DIAPH2: variants seen among roughly 807,000 people sequenced by gnomAD.
DIAPH2 encodes diaphanous related formin 2.
DIAPH2 carries 35 observed loss-of-function variants against 92.7 expected under a neutral mutation model. The ratio of observed to expected loss-of-function variants is 0.38; its 90% CI spans 0.29 to 0.50. DIAPH2 has a LOEUF of 0.50. Among genes scored for constraint, DIAPH2 ranks in the 20% least tolerant of loss-of-function variants. DIAPH2 has a pLI of 0.94. For missense variants in DIAPH2, 701 were observed against 819.5 expected, an observed-to-expected ratio of 0.86 and a Z score of 1.77; for synonymous variants, 301 against 280.4, an observed-to-expected ratio of 1.07 and a Z score of -0.73.
chrX:97,591,176 T>G (rs1011844299), intron 26 of DIAPH2, among the ~76,000 whole-genome samples: 2 of 112,031 alleles, frequency 1.8e-5, no homozygotes, highest in African/African-American at 6.5e-5. Context: ...CTGTTTCTTC[T>G]TGTTGAAATC....
chrX:97,301,734 A>G (rs2068707393), intron 23 of DIAPH2, among the ~76,000 whole-genome samples: 2 of 111,568 alleles, frequency 1.8e-5, no homozygotes, highest in Non-Finnish European at 3.8e-5. Flanking sequence ...GCCATGAATT[A>G]CCTAGTCCCC....
At chrX:97,006,172 GT>G (rs1002994510) in intron 17 of DIAPH2, among the ~76,000 whole-genome samples, 6 of 111,318 alleles carry the variant, frequency 5.4e-5, no homozygotes, top group Non-Finnish European at 1.1e-4. Context: ...AAACATTCAA[GT>G]TTTTTTAACG....
At chrX:96,861,964 G>A (rs1436626480) in intron 4 of DIAPH2, among the ~76,000 whole-genome samples, 1 of 111,999 alleles carries the variant, frequency 8.9e-6, no homozygotes, top group Admixed American at 9.5e-5. Context: ...CCTCGCCTGA[G>A]CTTTCTCTTA....
At chrX:96,893,797 C>G (rs571268848) in intron 5 of DIAPH2, among the ~76,000 whole-genome samples, 10 of 111,832 alleles carry the variant, frequency 8.9e-5, no homozygotes, top group South Asian at 7.4e-4. Context: ...AATTAAGATG[C>G]CAGCTGGCAC....
rs761866436 is a variant in DIAPH2 at position 97,122,609 on chromosome X, A to T, written c.2589+7644A>T. ...TCACTGAAATATACTTTTTCCTATC[A>T]GACAATATTTAGCATTAATTGAATT... is the stretch of plus-strand genomic sequence containing the variant. On this transcript the variant is annotated intron_variant, in intron 21 of 26. Transcript: ENST00000324765. 1.7e-3 allele frequency among the ~76,000 whole-genome samples: 194 copies of T among 111,806 alleles called. 1 individual carries two copies. Among genetic ancestry groups the T allele is most frequent in the African/African-American group, 6.2e-3 (190 of 30,829 alleles).
intron 23 of DIAPH2, among the ~76,000 whole-genome samples, chrX:97,255,838 A>T (rs1330715243): frequency 1.8e-5 from 2 of 111,906 alleles, no homozygotes; most frequent in Non-Finnish European, 3.8e-5. Context: ...TAGCACAAAA[A>T]TTTTCTCTTT....
chrX:97,319,446 T>C (rs28490343), intron 23 of DIAPH2, among the ~76,000 whole-genome samples: 1 of 108,984 alleles, frequency 9.2e-6, no homozygotes, highest in Non-Finnish European at 1.9e-5. Flanking sequence ...CAGACTGCAG[T>C]GGCGCTATCT....
intron 26 of DIAPH2, among the ~76,000 whole-genome samples, chrX:97,461,235 T>C (rs1258639342): frequency 5.7e-5 from 2 of 34,888 alleles, no homozygotes; most frequent in Non-Finnish European, 1.7e-4. Context: ...CTAGTTTGTC[T>C]TTTTTTTTTT....
At chrX:97,092,633 C>T (rs190965198) in intron 19 of DIAPH2, among the ~76,000 whole-genome samples, 23 of 111,718 alleles carry the variant, frequency 2.1e-4, no homozygotes, top group African/African-American at 4.9e-4. Flanking sequence ...TAATGATAGC[C>T]GATCATCATG....
At chrX:97,186,657 T>C (rs2067606949) in intron 22 of DIAPH2, among the ~76,000 whole-genome samples, 1 of 111,938 alleles carries the variant, frequency 8.9e-6, no homozygotes, top group Admixed American at 9.5e-5. Flanking sequence ...TTAACACAAT[T>C]GAGAAAAGTT....
At chrX:96,851,142 C>T (rs1286028173) in intron 4 of DIAPH2, among the ~76,000 whole-genome samples, 1 of 111,823 alleles carries the variant, frequency 8.9e-6, no homozygotes, top group Non-Finnish European at 1.9e-5. Context: ...TGCCCTGTCA[C>T]CCAGGCTGGA....
chrX:97,391,803 A>C, intron 25 of DIAPH2, among the ~76,000 whole-genome samples: 1 of 111,474 alleles, frequency 9.0e-6, no homozygotes, highest in Admixed American at 9.6e-5. Context: ...TCAGAAAAAT[A>C]ATAGTATAAA....
intron 24 of DIAPH2, among the ~76,000 whole-genome samples, chrX:97,359,469 T>C (rs2069301700): frequency 9.1e-6 from 1 of 110,333 alleles, no homozygotes; most frequent in Non-Finnish European, 1.9e-5. Context: ...CGTGTGTGTA[T>C]TTTTTTCCTT....
intron 23 of DIAPH2, among the ~76,000 whole-genome samples, chrX:97,292,915 T>G (rs1199537345): frequency 9.0e-6 from 1 of 111,331 alleles, no homozygotes; most frequent in Non-Finnish European, 1.9e-5. Flanking sequence ...ATTTGGAAAT[T>G]TATGCAAAAG....
intron 4 of DIAPH2, among the ~76,000 whole-genome samples, chrX:96,796,730 C>T (rs1268319996): frequency 8.9e-6 from 1 of 111,751 alleles, no homozygotes; most frequent in Non-Finnish European, 1.9e-5. Context: ...TTTGCACCCC[C>T]ATCTTTTTTA....
intron 11 of DIAPH2, 60 bp downstream of exon 11, chrX:96,937,411 C>A: frequency 4.2e-6 from 3 of 715,344 alleles, no homozygotes; most frequent in Non-Finnish European, 6.1e-6. Flanking sequence ...GATTTGTGGG[C>A]GATTTTGTGG....
chrX:97,314,283 A>G (rs5920904), intron 23 of DIAPH2, among the ~76,000 whole-genome samples: 6,507 of 107,922 alleles, frequency 0.06, 224 homozygotes, highest in African/African-American at 0.13. Flanking sequence ...GTGGTGGCGC[A>G]CACCTGTAGT....
intron 21 of DIAPH2, among the ~76,000 whole-genome samples, chrX:97,120,850 C>G (rs1411992263): frequency 4.5e-5 from 5 of 110,218 alleles, no homozygotes; most frequent in Non-Finnish European, 9.5e-5. Flanking sequence ...CATCCATTTC[C>G]CCCATAGAAG....
chrX:97,422,870 G>T, intron 25 of DIAPH2, among the ~76,000 whole-genome samples: 1 of 112,077 alleles, frequency 8.9e-6, no homozygotes, highest in East Asian at 2.8e-4. Flanking sequence ...TGCCCTACTT[G>T]CATGCCAACA....
Sources: allele counts gnomAD v4.1 joint callset (sites outside exome capture counted in the v4.1 genomes callset), GRCh38; gene constraint gnomAD v4.1.1; transcripts MANE v1.5; gene names NCBI Gene and HGNC (gene_info 2026-07-23, HGNC 2026-07-21).